The following ADAMTS17 variants were observed in gnomAD, a reference collection of about 807,000 sequenced individuals.
ADAMTS17 encodes the protein ADAM metallopeptidase with thrombospondin type 1 motif 17.
A neutral mutation model predicts 141.5 loss-of-function variants in ADAMTS17; 113 were observed. The observed-to-expected ratio is 0.80, with a 90% CI of 0.69 to 0.93. ADAMTS17 has a LOEUF of 0.93. Among genes scored for constraint, ADAMTS17 ranks in the 40% least tolerant of loss-of-function variants. The pLI, the probability that ADAMTS17 is intolerant of heterozygous loss-of-function variation, is 0.00. For missense variants in ADAMTS17, 1,659 were observed against 1,517.9 expected (o/e 1.09, Z -1.54); for synonymous variants, 768 against 630.6 (o/e 1.22, Z -3.27).
intron 15 of ADAMTS17, among the ~76,000 whole-genome samples, chr15:100,067,105 TG>T (rs1340805445): frequency 6.7e-6 from 1 of 150,304 alleles, no homozygotes; most frequent in Non-Finnish European, 1.5e-5. Context: ...CTTATGATAT[TG>T]AGAAGGCAGC....
At chr15:100,245,192 A>G (rs1373770375) in intron 7 of ADAMTS17, among the ~76,000 whole-genome samples, 1 of 152,092 alleles carries the variant, frequency 6.6e-6, no homozygotes, top group Non-Finnish European at 1.5e-5. Flanking sequence ...CAGTGTCACC[A>G]ATATCTTGTG....
chr15:99,976,891 T>G (rs2060344545), intron 20 of ADAMTS17, among the ~76,000 whole-genome samples: 1 of 152,196 alleles, frequency 6.6e-6, no homozygotes, highest in African/African-American at 2.4e-5. Context: ...TAACTCATGC[T>G]AGCTGCATTC....
At chr15:100,225,725 G>C (rs556259055) in intron 7 of ADAMTS17, among the ~76,000 whole-genome samples, 1 of 149,768 alleles carries the variant, frequency 6.7e-6, no homozygotes, top group South Asian at 2.1e-4. Context: ...GAGCAGTCAT[G>C]GTCTCTGTGC....
intron 12 of ADAMTS17, among the ~76,000 whole-genome samples, chr15:100,122,266 A>G (rs2037488862): frequency 6.6e-6 from 1 of 152,174 alleles, no homozygotes; most frequent in East Asian, 1.9e-4. Flanking sequence ...TATAGCTAAT[A>G]TTTCCTTGAA....
rs1164221968 is a variant in ADAMTS17 at position 100,341,886 on chromosome 15, G to A, written c.14C>T (p.Ala5Val). 2 of 1,551,332 alleles carry A rather than the reference G, an allele frequency of 1.3e-6. No individual in the cohort carries two copies. Among genetic ancestry groups the A allele is most frequent in the Non-Finnish European group, 1.7e-6 (2 of 1,147,538 alleles). The change falls in exon 1 of 22, where the codon GCC (alanine) becomes GTC (valine). Residue 5 changes from alanine (A) to valine (V), a missense_variant. Transcript: ENST00000268070. MCDG[A>V]LLPPLVLPVL... The stretch of plus-strand genomic sequence containing the variant: ...GGGCAGGACGAGCGGAGGCAGCAGG[G>A]CGCCGTCACACATGGTACCCGGGAC...
At chr15:100,116,688 C>A (rs2037152153) in intron 13 of ADAMTS17, among the ~76,000 whole-genome samples, 159 bp downstream of exon 13, 1 of 152,260 alleles carries the variant, frequency 6.6e-6, no homozygotes, top group Admixed American at 6.5e-5. Context: ...GTCAACCCCA[C>A]AACTTACAAA....
intron 12 of ADAMTS17, chr15:100,128,983 A>C (rs924419462): frequency 1.3e-5 from 2 of 152,246 alleles, no homozygotes; most frequent in African/African-American, 4.8e-5. Flanking sequence ...AGACAACACC[A>C]GTTCCCTTCA....
intron 10 of ADAMTS17, among the ~76,000 whole-genome samples, chr15:100,141,682 G>C (rs544118324): frequency 6.6e-6 from 1 of 152,222 alleles, no homozygotes; most frequent in African/African-American, 2.4e-5. Context: ...TGCCGGGTGA[G>C]GGTGGGGCCC....
At chr15:100,125,813 T>C (rs2037702508) in intron 12 of ADAMTS17, among the ~76,000 whole-genome samples, 1 of 152,038 alleles carries the variant, frequency 6.6e-6, no homozygotes, top group Admixed American at 6.5e-5. Flanking sequence ...TTCCAAGAGC[T>C]GTGAAGACCA....
chr15:100,111,676 G>C (rs1317117593), intron 13 of ADAMTS17, among the ~76,000 whole-genome samples: 5 of 152,274 alleles, frequency 3.3e-5, no homozygotes, highest in Non-Finnish European at 5.9e-5. Context: ...TGTTGACTCA[G>C]TACTGGGAGT....
chr15:100,285,004 T>C (rs1376900866), intron 3 of ADAMTS17, among the ~76,000 whole-genome samples: 1 of 152,154 alleles, frequency 6.6e-6, no homozygotes, highest in Non-Finnish European at 1.5e-5. Flanking sequence ...CGCAGTCAGG[T>C]CAGGCCTCAA....
At chr15:100,069,720 C>T (rs1295833606) in intron 15 of ADAMTS17, among the ~76,000 whole-genome samples, 3 of 151,462 alleles carry the variant, frequency 2.0e-5, no homozygotes, top group Non-Finnish European at 4.4e-5. Flanking sequence ...ACCAGGCCTG[C>T]CCTACAAGAG....
At chr15:100,151,803 A>G (rs1567262568) in intron 10 of ADAMTS17, among the ~76,000 whole-genome samples, 1 of 152,112 alleles carries the variant, frequency 6.6e-6, no homozygotes, top group Non-Finnish European at 1.5e-5. Flanking sequence ...AGGCATGGAG[A>G]CTGCCCTGCC....
chr15:100,087,013 G>T (rs2035148134), intron 15 of ADAMTS17, among the ~76,000 whole-genome samples: 1 of 152,108 alleles, frequency 6.6e-6, no homozygotes, highest in Non-Finnish European at 1.5e-5. Context: ...GAAGGAAATA[G>T]AGACACAAAA....
chr15:100,218,488 A>G (rs1228982047), intron 7 of ADAMTS17, among the ~76,000 whole-genome samples: 2 of 152,222 alleles, frequency 1.3e-5, no homozygotes, highest in African/African-American at 4.8e-5. Flanking sequence ...AATATGTTCA[A>G]CATCAGCCAT....
At chr15:100,220,745 T>G (rs929817280) in intron 7 of ADAMTS17, among the ~76,000 whole-genome samples, 2 of 152,216 alleles carry the variant, frequency 1.3e-5, no homozygotes, top group Non-Finnish European at 2.9e-5. Flanking sequence ...TTCTGGACAC[T>G]TCACCTAATG....
At chr15:100,262,462 G>T in intron 4 of ADAMTS17, 27 bp from the exon 5 acceptor site, 1 of 1,589,652 alleles carries the variant, frequency 6.3e-7, no homozygotes, top group Non-Finnish European at 8.6e-7. Flanking sequence ...AAGAAATAAA[G>T]ATATAAAGAT....
chr15:100,137,936 C>T (rs1396239499), intron 10 of ADAMTS17, among the ~76,000 whole-genome samples: 1 of 152,168 alleles, frequency 6.6e-6, no homozygotes, highest in East Asian at 1.9e-4. Flanking sequence ...CCTTTCACTG[C>T]CAACACCAAT....
intron 20 of ADAMTS17, among the ~76,000 whole-genome samples, chr15:99,988,191 C>T (rs1442244005): frequency 6.6e-6 from 1 of 152,020 alleles, no homozygotes; most frequent in Non-Finnish European, 1.5e-5. Flanking sequence ...AAATGTGTCC[C>T]CCAACGTTGG....
Sources: allele counts gnomAD v4.1 joint callset (sites outside exome capture counted in the v4.1 genomes callset), GRCh38; gene constraint gnomAD v4.1.1; transcripts MANE v1.5; gene names NCBI Gene and HGNC (gene_info 2026-07-23, HGNC 2026-07-21).